The following NDST4 variants were observed in gnomAD, a reference collection of about 807,000 sequenced individuals.
The protein encoded by NDST4 is N-deacetylase and N-sulfotransferase 4.
Under a neutral mutation model 100.8 loss-of-function variants are expected in NDST4, and 63 were observed. The ratio of observed to expected loss-of-function variants is 0.62; its 90% confidence interval spans 0.51 to 0.77. The LOEUF (loss-of-function observed/expected upper bound fraction) is 0.77, where lower values mean the gene tolerates loss of function less well. Among genes scored for constraint, NDST4 ranks in the 30% least tolerant of loss-of-function variants. NDST4 has a pLI of 0.00. For missense variants in NDST4, 943 were observed against 1,018.4 expected (o/e 0.93, Z 1.01); for synonymous variants, 377 against 361.8 (o/e 1.04, Z -0.48).
At chr4:115,052,612 C>T (rs564594514) in intron 2 of NDST4, among the ~76,000 whole-genome samples, 17 of 151,782 alleles carry the variant, frequency 1.1e-4, no homozygotes, top group African/African-American at 3.4e-4. Context: ...CCTGCCCTCC[C>T]GTAAGACGTG....
At position 115,076,359 on chromosome 4, in the gene NDST4, A is replaced by T. The variant is rs1729182585; in HGVS notation, c.678T>A (p.Asn226Lys). 1 of 1,613,980 alleles carries T rather than the reference A, an allele frequency of 6.2e-7. No individual in the cohort carries two copies. Among genetic ancestry groups the T allele is most frequent in the Non-Finnish European group, 8.5e-7 (1 of 1,179,934 alleles). The change falls in exon 2 of 14, where the codon AAT becomes AAA. Residue 226 changes from asparagine to lysine, a missense_variant. Physicochemically the swap from Asn to Lys is moderately conservative, Grantham distance 94. This residue lies in a region of NDST4 where 417 missense variants were observed against 384.2 expected (regional missense o/e 1.09). Coordinates refer to ENST00000264363, the MANE Select transcript of NDST4 (RefSeq NM_022569.3). Reference protein sequence around the residue: ...PGEDWTIFQYNHSTYQPVLLT... With the variant: ...PGEDWTIFQYKHSTYQPVLLT... ...AAAGTACAGGCTGGTAGGTTGAATG[A>T]TTATATTGGAAAATAGTCCAGTCTT...
chr4:114,927,591 T>TGCTAACAAAAAC (rs1725412201), intron 6 of NDST4, among the ~76,000 whole-genome samples: 1 of 152,064 alleles, frequency 6.6e-6, no homozygotes, highest in African/African-American at 2.4e-5. Context: ...AAACTAGATA[T>TGCTAACAAAAAC]TAATATCATA....
At chr4:114,884,227 ACACT>A (rs1309224981) in intron 6 of NDST4, among the ~76,000 whole-genome samples, 1 of 152,078 alleles carries the variant, frequency 6.6e-6, no homozygotes, top group East Asian at 1.9e-4. Flanking sequence ...GAACTTAAAC[ACACT>A]CACTTGCACA....
intron 2 of NDST4, among the ~76,000 whole-genome samples, chr4:115,001,927 A>C (rs1727298331): frequency 6.6e-6 from 1 of 152,118 alleles, no homozygotes; most frequent in South Asian, 2.1e-4. Flanking sequence ...TGAGGTATGA[A>C]CCCTACTCCG....
intron 2 of NDST4, among the ~76,000 whole-genome samples, chr4:114,988,490 T>C (rs533094215): frequency 5.3e-5 from 8 of 150,928 alleles, no homozygotes; most frequent in Non-Finnish European, 1.2e-4. Flanking sequence ...GCCTCCCAAG[T>C]AGCTGGGACT....
chr4:114,954,010 G>A (rs2126233274), intron 4 of NDST4, among the ~76,000 whole-genome samples: 1 of 152,142 alleles, frequency 6.6e-6, no homozygotes, highest in East Asian at 1.9e-4. Context: ...TTCCCACTGT[G>A]ATTTTATTTT....
chr4:114,877,986 G>A, intron 6 of NDST4, among the ~76,000 whole-genome samples: 1 of 149,684 alleles, frequency 6.7e-6, no homozygotes, highest in Non-Finnish European at 1.5e-5. Context: ...AAAGAAAATG[G>A]AAGAAATAAA....
intron 2 of NDST4, among the ~76,000 whole-genome samples, chr4:115,006,913 GATAATA>G (rs1327321992): frequency 6.6e-6 from 1 of 151,868 alleles, no homozygotes; most frequent in Admixed American, 6.6e-5. Flanking sequence ...GAAAAATTGC[GATAATA>G]ATAATAATAA....
At chr4:115,023,485 C>CAA (rs61136345) in intron 2 of NDST4, among the ~76,000 whole-genome samples, 4 of 89,554 alleles carry the variant, frequency 4.5e-5, no homozygotes, top group South Asian at 6.7e-4. Flanking sequence ...AATTCCATCT[C>CAA]AAAAAAAAAA....
At chr4:115,031,199 A>G (rs1728108010) in intron 2 of NDST4, among the ~76,000 whole-genome samples, 1 of 152,064 alleles carries the variant, frequency 6.6e-6, no homozygotes, top group Non-Finnish European at 1.5e-5. Flanking sequence ...GAGAAAGGGG[A>G]GTGGTCTGTT....
chr4:114,996,896 A>G (rs1161489801), intron 2 of NDST4, among the ~76,000 whole-genome samples: 2 of 152,082 alleles, frequency 1.3e-5, no homozygotes, highest in African/African-American at 4.8e-5. Flanking sequence ...TTAAAAAGTC[A>G]TGTTTAGAAG....
chr4:115,067,281 C>A (rs1728969778), intron 2 of NDST4, among the ~76,000 whole-genome samples: 1 of 152,140 alleles, frequency 6.6e-6, no homozygotes, highest in Admixed American at 6.5e-5. Context: ...ACAAACCAGA[C>A]TTTGTGTTTA....
intron 4 of NDST4, among the ~76,000 whole-genome samples, chr4:114,949,724 T>C (rs1336687990): frequency 1.3e-5 from 2 of 152,088 alleles, no homozygotes; most frequent in Non-Finnish European, 2.9e-5. Context: ...TTTCATCTGA[T>C]TGGCCAGAAC....
At chr4:114,867,665 C>CAAAAAAAAAAAAAAAAA in intron 7 of NDST4, among the ~76,000 whole-genome samples, 7 of 79,896 alleles carry the variant, frequency 8.8e-5, no homozygotes, top group African/African-American at 1.5e-4. Context: ...AAAAAAAAAG[C>CAAAAAAAAAAAAAAAAA]AAAAAAAAAA....
intron 11 of NDST4, among the ~76,000 whole-genome samples, chr4:114,837,460 T>C (rs1195119809): frequency 1.3e-5 from 2 of 152,164 alleles, no homozygotes; most frequent in Non-Finnish European, 2.9e-5. Flanking sequence ...ACAAGCATGG[T>C]ACTGGCACCA....
chr4:114,927,614 T>C (rs1725412522), intron 6 of NDST4, among the ~76,000 whole-genome samples: 3 of 152,126 alleles, frequency 2.0e-5, no homozygotes, highest in Admixed American at 2.0e-4. Flanking sequence ...CTGGTGTATT[T>C]ACTTTCACTG....
intron 1 of NDST4, among the ~76,000 whole-genome samples, chr4:115,107,021 G>A (rs955371574): frequency 2.6e-5 from 4 of 151,966 alleles, no homozygotes; most frequent in Admixed American, 2.6e-4. Flanking sequence ...ATCTGGGTGA[G>A]GTGGTGTGCA....
At position 114,986,830 on chromosome 4, in the gene NDST4, A is replaced by ATT. The variant is rs1221108713; in HGVS notation, c.979-9557_979-9556insAA. Among the ~76,000 whole-genome samples the ATT allele has an allele frequency of 7.3e-4, 67 of 91,958 alleles. 2 individuals carry two copies. The highest frequency in any genetic ancestry group is 2.7e-3 in the Admixed American group (26 of 9,620). 60.3% of individuals were successfully genotyped at this position (91,958 alleles called of 152,430 possible). On this transcript the variant is annotated intron_variant, in intron 2 of 13. Coordinates refer to ENST00000264363, the MANE Select transcript of NDST4 (RefSeq NM_022569.3). The stretch of plus-strand genomic sequence containing the variant: ...TATATATATATATATATATATATAT[A>ATT]TATTTTAATATACTATTCCTATAAG...
intron 1 of NDST4, among the ~76,000 whole-genome samples, chr4:115,079,025 C>G (rs551483833): frequency 6.6e-6 from 1 of 151,958 alleles, no homozygotes; most frequent in South Asian, 2.1e-4. Context: ...TGAGAATGAA[C>G]TAACACAGCA....
Sources: gnomAD v4.1 joint callset for allele counts (sites outside exome capture counted in the v4.1 genomes callset) on GRCh38, gnomAD v4.1.1 for gene constraint, gnomAD v4.1.1 regional missense constraint, MANE v1.5 for transcripts, NCBI Gene and HGNC (gene_info 2026-07-23, HGNC 2026-07-21) for gene names.